Variants in ATXN7L1 observed in about 807,000 individuals in gnomAD.
ATXN7L1 encodes the protein ataxin 7 like 1.
ATXN7L1 carries 15 observed loss-of-function variants against 70.8 expected under a neutral mutation model. That is an observed-to-expected ratio of 0.21 (90% CI 0.14 to 0.33). ATXN7L1 has a LOEUF of 0.33. ATXN7L1 is among the 10% of genes least tolerant of loss of function. The pLI is 1.00. For missense variants in ATXN7L1, 975 were observed against 1,097.1 expected, an observed-to-expected ratio of 0.89 and a Z score of 1.57; for synonymous variants, 440 against 445.1, an observed-to-expected ratio of 0.99 and a Z score of 0.14.
intron 3 of ATXN7L1, among the ~76,000 whole-genome samples, chr7:105,717,710 C>T (rs2116290490): frequency 6.6e-6 from 1 of 152,230 alleles, no homozygotes; most frequent in Admixed American, 6.5e-5. Flanking sequence ...TCCTCATGAC[C>T]ACTGGGTATT....
Position 105,749,920 on chromosome 7 carries a change from T to C in ATXN7L1, c.355+38684A>G, listed in dbSNP as rs1218636379. Among the ~76,000 whole-genome samples, 4 of 151,938 alleles carry C rather than the reference T, an allele frequency of 2.6e-5. No homozygotes were observed. The East Asian group carries it at 7.8e-4, about 29-fold the overall frequency. ...TCACTGTTGGCTGTATTCTGGGCACTTACTGCCTAAAAATGGACTAGTCTG... is the reference window on the plus strand; with the variant it reads ...TCACTGTTGGCTGTATTCTGGGCACCTACTGCCTAAAAATGGACTAGTCTG... On this transcript the variant is annotated intron_variant, in intron 3 of 11. Transcript: ENST00000419735.
chr7:105,862,576 C>A lies in ATXN7L1; in HGVS notation c.250+13236G>T, dbSNP rs552499835. Among the ~76,000 whole-genome samples, 4 of 152,216 alleles carry A rather than the reference C, an allele frequency of 2.6e-5. No homozygotes were observed. The South Asian group carries it at 6.2e-4, about 24-fold the overall frequency. ...GTCCTTATCAGAAGAATCAAACCAC[C>A]AGCTGGTAGACAATGGGGTCTGGGG... On this transcript the variant is annotated intron_variant, in intron 2 of 11. Coordinates refer to ENST00000419735, the MANE Select transcript of ATXN7L1 (RefSeq NM_020725.2).
chr7:105,790,119 A>G (rs1381461163), intron 2 of ATXN7L1, among the ~76,000 whole-genome samples: 2 of 152,154 alleles, frequency 1.3e-5, no homozygotes, highest in African/African-American at 2.4e-5. Flanking sequence ...TAAACACAAA[A>G]AGGAGGTAAG....
intron 7 of ATXN7L1, among the ~76,000 whole-genome samples, chr7:105,629,273 C>T (rs1179268860): frequency 6.6e-6 from 1 of 151,990 alleles, no homozygotes; most frequent in African/African-American, 2.4e-5. Flanking sequence ...CCCCATTTCT[C>T]CCAACCCTTA....
intron 3 of ATXN7L1, among the ~76,000 whole-genome samples, chr7:105,767,109 G>A (rs1801373630): frequency 1.3e-5 from 2 of 152,168 alleles, no homozygotes. Context: ...GAATGATTTT[G>A]CAGGGGAATG....
At chr7:105,692,372 T>C (rs1380066121) in intron 3 of ATXN7L1, among the ~76,000 whole-genome samples, 1 of 49,792 alleles carries the variant, frequency 2.0e-5, no homozygotes, top group Non-Finnish European at 4.4e-5. Context: ...TTTCTTTCTT[T>C]CCTTCCTTCC....
intron 2 of ATXN7L1, among the ~76,000 whole-genome samples, chr7:105,863,621 G>A (rs1816959978): frequency 6.6e-6 from 1 of 152,186 alleles, no homozygotes; most frequent in Non-Finnish European, 1.5e-5. Flanking sequence ...TTAGAGCACA[G>A]TCTCTGGAAT....
intron 3 of ATXN7L1, among the ~76,000 whole-genome samples, chr7:105,692,925 C>CCAGGCTGGTCTCAAACTCCTGGCCT (rs1187663586): frequency 2.0e-5 from 3 of 152,122 alleles, no homozygotes; most frequent in African/African-American, 7.2e-5. Flanking sequence ...AGTCTTGCCA[C>CCAGGCTGGTCTCAAACTCCTGGCCT]CAGGCTGGTC....
intron 3 of ATXN7L1, chr7:105,761,390 C>T: frequency 6.2e-7 from 1 of 1,614,154 alleles, no homozygotes; most frequent in Non-Finnish European, 8.5e-7. Context: ...ACACCTGATG[C>T]TTCTCTATGG....
At chr7:105,663,087 G>A (rs983745303) in intron 4 of ATXN7L1, among the ~76,000 whole-genome samples, 12 of 152,134 alleles carry the variant, frequency 7.9e-5, no homozygotes, top group Non-Finnish European at 1.3e-4. Flanking sequence ...TGGTTACATC[G>A]GGACACCATG....
At chr7:105,797,088 C>T (rs1230030588) in intron 2 of ATXN7L1, among the ~76,000 whole-genome samples, 2 of 152,212 alleles carry the variant, frequency 1.3e-5, no homozygotes, top group East Asian at 1.9e-4. Context: ...GTGAGCTCTC[C>T]AGCATCACTC....
chr7:105,794,544 C>T (rs1805717088), intron 2 of ATXN7L1, among the ~76,000 whole-genome samples: 2 of 152,232 alleles, frequency 1.3e-5, no homozygotes, highest in Non-Finnish European at 2.9e-5. Context: ...TGCTTCCTGG[C>T]TCGATTTCTC....
chr7:105,653,508 G>A (rs1036512717), intron 4 of ATXN7L1, among the ~76,000 whole-genome samples: 6 of 152,180 alleles, frequency 3.9e-5, no homozygotes, highest in African/African-American at 1.4e-4. Context: ...CATCCAGTTA[G>A]AAACCAGCTC....
rs200995678 is a variant in ATXN7L1 at position 105,860,132 on chromosome 7, TATATATATATATATAC to T, written c.250+15664_250+15679del. The stretch of plus-strand genomic sequence containing the variant: ...ACAGATAGATCTTTATATGTAAATA[TATATATATATATATAC>T]ATATATATATATATATATATGAAAA... On this transcript the variant is annotated intron_variant, in intron 2 of 11. Transcript: ENST00000419735. Among the ~76,000 whole-genome samples, 196 of 73,130 alleles carry T rather than the reference TATATATATATATATAC, an allele frequency of 2.7e-3. 5 individuals carry two copies. The highest frequency in any genetic ancestry group is 3.3e-3 in the African/African-American group (62 of 18,622). The allele number at this position is 73,130 out of a possible 152,430, so 48.0% of individuals were successfully genotyped here. A position where few individuals can be genotyped will look rare whatever the true frequency, so the allele number is the denominator to read the frequency against.
intron 2 of ATXN7L1, among the ~76,000 whole-genome samples, chr7:105,856,132 T>A (rs994799207): frequency 2.6e-5 from 4 of 152,242 alleles, no homozygotes; most frequent in African/African-American, 9.6e-5. Flanking sequence ...TTCTTTCCCT[T>A]TCAACTTACT....
intron 2 of ATXN7L1, among the ~76,000 whole-genome samples, chr7:105,842,905 C>T (rs1024560239): frequency 2.0e-5 from 3 of 152,152 alleles, no homozygotes; most frequent in Admixed American, 1.3e-4. Flanking sequence ...AGCCATCCTA[C>T]TGGATGGAGA....
At position 105,708,810 on chromosome 7, in the gene ATXN7L1, A is replaced by G. The variant is rs143608878; in HGVS notation, c.356-43522T>C. ...ACATTCTTCTTTTGCTTTCCATTTA[A>G]GATTTTAGACTTGTTTTGGTGTACA... On this transcript the variant is annotated intron_variant, in intron 3 of 11. Transcript: ENST00000419735. Among the ~76,000 whole-genome samples the G allele has an allele frequency of 1.2e-4, 18 of 152,332 alleles. No individual in the cohort carries two copies. In the East Asian group the frequency reaches 3.3e-3, roughly 28 times the overall value.
chr7:105,781,861 G>C (rs1240872727), intron 3 of ATXN7L1, among the ~76,000 whole-genome samples: 2 of 152,030 alleles, frequency 1.3e-5, no homozygotes, highest in African/African-American at 4.8e-5. Context: ...TTTGAGACAG[G>C]GAGGGTCTTG....
intron 4 of ATXN7L1, among the ~76,000 whole-genome samples, chr7:105,645,490 C>T (rs1278996402): frequency 2.0e-5 from 3 of 151,230 alleles, no homozygotes; most frequent in South Asian, 2.1e-4. Context: ...GGTGAAACCC[C>T]GTCTCTACTA....
Sources: gnomAD v4.1 joint callset for allele counts (sites outside exome capture counted in the v4.1 genomes callset) on GRCh38, gnomAD v4.1.1 for gene constraint, MANE v1.5 for transcripts, NCBI Gene and HGNC (gene_info 2026-07-23, HGNC 2026-07-21) for gene names.